C3: variants seen among roughly 807,000 people sequenced by gnomAD.
The protein encoded by C3 is C3 and PZP-like alpha-2-macroglobulin domain-containing protein 1.
C3 carries 97 observed loss-of-function variants against 207.9 expected under a neutral mutation model. The ratio of observed to expected loss-of-function variants is 0.47; its 90% CI spans 0.40 to 0.55. The LOEUF is 0.55. Among genes scored for constraint, C3 ranks in the 20% least tolerant of loss-of-function variants. The probability of loss-of-function intolerance (pLI) is 0.00; values close to 1 mark genes in which losing one functional copy is unlikely to be tolerated. For missense variants in C3, 1,684 were observed against 2,171.7 expected (o/e 0.78, Z 4.46); for synonymous variants, 848 against 857.6 (o/e 0.99, Z 0.20).
chr19:6,684,804 C>T lies in C3; in HGVS notation c.4000G>A (p.Ala1334Thr), dbSNP rs1046390155. ...AAGGTGCCTTGGCCTTTTCCTTCAG[C>T]TGTGACTGTGAAACCCTCATTTTCC... is the stretch of plus-strand genomic sequence containing the variant. ...TKENEGFTVT[A>T]EGKGQGTLSV... The change falls in exon 31 of 41, where the codon GCT (alanine) becomes ACT (threonine). Residue 1334 changes from alanine (A) to threonine (T), a missense_variant. This residue lies in a region of C3 where 1,280 missense variants were observed against 1,739.1 expected (regional missense o/e 0.74). Transcript: ENST00000245907. The T allele has an allele frequency of 6.2e-7, 1 of 1,614,108 alleles. No individual in the cohort carries two copies. Among genetic ancestry groups the T allele is most frequent in the African/African-American group, 1.3e-5 (1 of 74,930 alleles).
At chr19:6,681,855 C>G (rs1917870040) in intron 35 of C3, 86 bp downstream of exon 35, 1 of 1,023,652 alleles carries the variant, frequency 9.8e-7, no homozygotes, top group Admixed American at 1.7e-5. Flanking sequence ...GACCCAGAGA[C>G]AAAAGCTGAA....
Position 6,707,516 on chromosome 19 carries a change from G to A in C3, c.1997C>T (p.Ala666Val), listed in dbSNP as rs766007116. Reference protein sequence around the residue: ...QRAELQCPQPAARRRRSVQLT... With the variant: ...QRAELQCPQPVARRRRSVQLT... Reference sequence around the variant, plus strand: ...CTGCACGGAACGGCGTCGGCGGGCGGCTGGCTGCGGGCACTGAAGTTCTGC... The same window carrying A: ...CTGCACGGAACGGCGTCGGCGGGCGACTGGCTGCGGGCACTGAAGTTCTGC... Residue 666 changes from alanine to valine, a missense_variant, in exon 16 of 41, where the codon GCC (alanine) becomes GTC (valine). Physicochemically the swap from Ala to Val is moderately conservative, Grantham distance 64 (BLOSUM62 0). This residue lies in a region of C3 where 1,280 missense variants were observed against 1,739.1 expected (regional missense o/e 0.74). Coordinates refer to ENST00000245907, the MANE Select transcript of C3 (RefSeq NM_000064.4). 6.2e-7 allele frequency: 1 copy of A among 1,614,068 alleles called. No homozygotes were observed. The highest frequency in any genetic ancestry group is 1.3e-5 in the African/African-American group (1 of 75,048).
intron 13 of C3, 107 bp from the exon 14 acceptor site, chr19:6,709,949 G>A: frequency 9.7e-7 from 1 of 1,026,596 alleles, no homozygotes; most frequent in Non-Finnish European, 1.5e-6. Flanking sequence ...GTTGGGGGGA[G>A]CCGTGGGGCT....
At chr19:6,720,084 A>G (rs1968131813) in intron 1 of C3, among the ~76,000 whole-genome samples, 1 of 152,172 alleles carries the variant, frequency 6.6e-6, no homozygotes, top group South Asian at 2.1e-4. Context: ...CGCACCATCA[A>G]TGAACACCAC....
intron 19 of C3, among the ~76,000 whole-genome samples, chr19:6,698,013 ATTATTATT>A (rs1002604269): frequency 5.5e-5 from 5 of 91,366 alleles, no homozygotes; most frequent in Non-Finnish European, 1.5e-4. Context: ...TATTATTATT[ATTATTATT>A]ATTATTAATT....
intron 35 of C3, 35 bp downstream of exon 35, chr19:6,681,906 T>G (rs1298990336): frequency 6.5e-7 from 1 of 1,537,328 alleles, no homozygotes; most frequent in Non-Finnish European, 9.0e-7. Context: ...AGGGTGCCCC[T>G]GGAAGCCTCC....
chr19:6,700,767 T>A (rs1034170469), intron 19 of C3, among the ~76,000 whole-genome samples: 1 of 141,896 alleles, frequency 7.0e-6, no homozygotes, highest in Non-Finnish European at 1.5e-5. Flanking sequence ...TAATATGTGA[T>A]ATGTAGATAT....
At position 6,711,034 on chromosome 19, in the gene C3, G is replaced by T; in HGVS notation, c.1432C>A (p.Arg478=). The T allele has an allele frequency of 6.2e-7, 1 of 1,614,134 alleles. No homozygotes were observed. Among genetic ancestry groups the T allele is most frequent in the Non-Finnish European group, 8.5e-7 (1 of 1,180,006 alleles). The change falls in exon 12 of 41, where the codon CGA becomes AGA. Residue 478 remains arginine, a synonymous_variant. Transcript: ENST00000245907. ...TTGGCCTCGTGGGCGCGGTCCATTC[G>T]CAGGAGGAAGTTGACGTTGAGGGTC... The part of the protein sequence containing the change: ...GETLNVNFLL[R]MDRAHEAKIR...
chr19:6,686,621 T>A (rs1485982658), intron 28 of C3, 125 bp downstream of exon 28: 2 of 1,023,184 alleles, frequency 2.0e-6, no homozygotes, highest in Non-Finnish European at 3.1e-6. Context: ...CTTAGGACTA[T>A]CCATCTCAGC....
At chr19:6,705,365 CAG>C (rs1243868019) in intron 17 of C3, among the ~76,000 whole-genome samples, 2 of 145,152 alleles carry the variant, frequency 1.4e-5, no homozygotes, top group Non-Finnish European at 3.0e-5. Flanking sequence ...TTTTTTGAGA[CAG>C]GGTCTTGCTC....
chr19:6,686,384 GGT>G lies in C3; in HGVS notation c.3647-99_3647-98del, dbSNP rs1160455911. The stretch of plus-strand genomic sequence containing the variant: ...GAAAGAGATGCATGCTAGACTTCCT[GGT>G]GTTTGGGTGTCCTGGCTGACATTCG... On this transcript the variant is annotated intron_variant, in intron 28 of 40. Coordinates refer to ENST00000245907, the MANE Select transcript of C3 (RefSeq NM_000064.4). The G allele has an allele frequency of 7.7e-6, 10 of 1,306,226 alleles. No homozygotes were observed. The African/African-American group carries it at 1.2e-4, about 15-fold the overall frequency. 80.9% of individuals were successfully genotyped at this position (1,306,226 alleles called of 1,614,324 possible). A position where few individuals can be genotyped will look rare whatever the true frequency, so the allele number is the denominator to read the frequency against.
chr19:6,697,043 A>AAAAAAAAAAAAAAAT (rs762889518), intron 21 of C3, among the ~76,000 whole-genome samples: 3 of 84,874 alleles, frequency 3.5e-5, no homozygotes, highest in African/African-American at 1.5e-4. Flanking sequence ...CTCTGTCTCA[A>AAAAAAAAAAAAAAAT]AAAAATAAAC....
intron 19 of C3, among the ~76,000 whole-genome samples, chr19:6,699,757 G>GT (rs1392598528): frequency 3.3e-5 from 5 of 151,916 alleles, no homozygotes; most frequent in Non-Finnish European, 7.4e-5. Context: ...TATATCATCA[G>GT]TAATTTTGAT....
At chr19:6,687,662 G>A (rs757528801) in intron 27 of C3, among the ~76,000 whole-genome samples, 5 of 152,106 alleles carry the variant, frequency 3.3e-5, no homozygotes, top group Admixed American at 6.5e-5. Flanking sequence ...GAGCTTTGCA[G>A]TACCACAGTA....
intron 7 of C3, 77 bp downstream of exon 7, chr19:6,713,915 T>A: frequency 2.0e-6 from 1 of 503,982 alleles, no homozygotes; most frequent in Non-Finnish European, 3.4e-6. Context: ...CCCACCTGAC[T>A]CCACCCCCAG....
intron 35 of C3, among the ~76,000 whole-genome samples, chr19:6,681,174 TGAGCTCAGGAGTTTAA>T (rs1329643223): frequency 6.6e-6 from 1 of 151,476 alleles, no homozygotes; most frequent in Non-Finnish European, 1.5e-5. Flanking sequence ...GAGAATCACT[TGAGCTCAGGAGTTTAA>T]GACCAGCCTA....
At chr19:6,714,898 G>A (rs1968000705) in intron 4 of C3, among the ~76,000 whole-genome samples, 1 of 152,034 alleles carries the variant, frequency 6.6e-6, no homozygotes, top group East Asian at 1.9e-4. Flanking sequence ...GTCAACCTTA[G>A]GTTTCAATCT....
intron 26 of C3, among the ~76,000 whole-genome samples, chr19:6,691,447 G>C (rs1918166678): frequency 6.6e-6 from 1 of 152,156 alleles, no homozygotes; most frequent in Non-Finnish European, 1.5e-5. Flanking sequence ...AGTTGGGGAG[G>C]TCAGAAAAAG....
At chr19:6,712,723 C>T (rs1568226229) in intron 9 of C3, 100 bp from the exon 10 acceptor site, 1 of 977,120 alleles carries the variant, frequency 1.0e-6, no homozygotes, top group Non-Finnish European at 1.6e-6. Flanking sequence ...CCTCCTCCCT[C>T]AGAGTAGAGT....
Sources: gnomAD v4.1 joint callset for allele counts (sites outside exome capture counted in the v4.1 genomes callset) on GRCh38, gnomAD v4.1.1 for gene constraint, gnomAD v4.1.1 regional missense constraint, MANE v1.5 for transcripts, NCBI Gene and HGNC (gene_info 2026-07-23, HGNC 2026-07-21) for gene names.